The following ZFAT variants were observed in gnomAD, a reference collection of about 807,000 sequenced individuals.
ZFAT encodes zinc finger and AT-hook domain containing.
Under a neutral mutation model 117.7 loss-of-function variants are expected in ZFAT, and 64 were observed. The observed-to-expected ratio is 0.54, with a 90% CI of 0.44 to 0.67. ZFAT has a LOEUF of 0.67. Ranked by LOEUF, ZFAT falls within the 30% of genes least tolerant of loss-of-function variation. The pLI is 0.00. For missense variants in ZFAT, 1,433 were observed against 1,584.5 expected (o/e 0.90, Z 1.62); for synonymous variants, 679 against 615.0 (o/e 1.10, Z -1.54).
At chr8:134,550,311 A>G (rs952594661) in intron 11 of ZFAT, among the ~76,000 whole-genome samples, 1 of 48,426 alleles carries the variant, frequency 2.1e-5, no homozygotes, top group South Asian at 6.5e-4. Context: ...GTCACAACGG[A>G]AAAAAAAAAA....
rs1249644717 is a variant in ZFAT at position 134,696,394 on chromosome 8, G to A, written c.19+16451C>T. ...TCTGAAACCACCCAGGAATCAACAG[G>A]AAAGTTCAGAGTGGAAACTCGCATC... On this transcript the variant is annotated intron_variant, in intron 1 of 15. Coordinates refer to ENST00000377838, the MANE Select transcript of ZFAT (RefSeq NM_020863.4). 7.1e-6 allele frequency: 7 copies of A among 985,492 alleles called. No homozygotes were observed. The East Asian group carries it at 5.7e-4, about 80-fold the overall frequency. The allele number at this position is 985,492 out of a possible 1,614,324, so 61.0% of individuals were successfully genotyped here.
At chr8:134,697,410 CT>C (rs1833894338) in intron 1 of ZFAT, among the ~76,000 whole-genome samples, 1 of 148,608 alleles carries the variant, frequency 6.7e-6, no homozygotes, top group Non-Finnish European at 1.5e-5. Context: ...CCGCGCCCAC[CT>C]TTTTTTGTAT....
At chr8:134,516,596 A>C (rs1207527536) in intron 13 of ZFAT, among the ~76,000 whole-genome samples, 1 of 152,156 alleles carries the variant, frequency 6.6e-6, no homozygotes, top group Non-Finnish European at 1.5e-5. Context: ...GCACTTCGGG[A>C]AGCCAGGGTG....
chr8:134,561,168 T>A (rs1258323560), intron 11 of ZFAT, among the ~76,000 whole-genome samples: 4 of 152,244 alleles, frequency 2.6e-5, no homozygotes, highest in African/African-American at 7.2e-5. Context: ...ATGACCAAAC[T>A]ATCCAATTGT....
intron 11 of ZFAT, among the ~76,000 whole-genome samples, chr8:134,554,680 C>T (rs1312431644): frequency 2.6e-5 from 4 of 152,090 alleles, no homozygotes; most frequent in Non-Finnish European, 5.9e-5. Context: ...ACAGAAAGCC[C>T]GGGGTGGAGC....
chr8:134,784,579 T>A, the ZFAT span: 2 of 152,202 alleles, frequency 1.3e-5, no homozygotes, highest in African/African-American at 4.8e-5. Context: ...CAAGAAATAT[T>A]CGAGTATCAT....
chr8:134,737,340 C>T, the ZFAT span, among the ~76,000 whole-genome samples: 1 of 152,084 alleles, frequency 6.6e-6, no homozygotes, highest in African/African-American at 2.4e-5. Context: ...GTTGTACTCT[C>T]CACAATTATT....
At chr8:134,793,895 CAAT>C in the ZFAT span, 1 of 152,084 alleles carries the variant, frequency 6.6e-6, no homozygotes, top group Non-Finnish European at 1.5e-5. Context: ...CACAAACACA[CAAT>C]AAAATAAATA....
chr8:134,588,452 T>A, intron 8 of ZFAT, 57 bp from the exon 9 acceptor site: 4 of 1,498,704 alleles, frequency 2.7e-6, no homozygotes, highest in Non-Finnish European at 3.6e-6. Context: ...AAGTTAGACA[T>A]AAATAAACCT....
chr8:134,532,130 T>C (rs1453836468), intron 12 of ZFAT, among the ~76,000 whole-genome samples: 1 of 152,246 alleles, frequency 6.6e-6, no homozygotes, highest in South Asian at 2.1e-4. Context: ...TGATTATTTA[T>C]TGAAATAAAA....
At chr8:134,591,516 G>T (rs577629500) in intron 7 of ZFAT, among the ~76,000 whole-genome samples, 1 of 152,330 alleles carries the variant, frequency 6.6e-6, no homozygotes, top group South Asian at 2.1e-4. Flanking sequence ...CCTAGAGTGG[G>T]TGTTATTGGT....
At chr8:134,609,105 CTCT>C (rs1828125738) in intron 4 of ZFAT, among the ~76,000 whole-genome samples, 1 of 151,790 alleles carries the variant, frequency 6.6e-6, no homozygotes, top group Non-Finnish European at 1.5e-5. Flanking sequence ...TCTAAATGTC[CTCT>C]TGAGATATAT....
chr8:134,637,791 G>C, intron 2 of ZFAT, 79 bp from the exon 3 acceptor site: 2 of 1,524,766 alleles, frequency 1.3e-6, no homozygotes, highest in South Asian at 2.5e-5. Flanking sequence ...CAAGTGTGAG[G>C]ATATGTTCAG....
intron 11 of ZFAT, among the ~76,000 whole-genome samples, chr8:134,553,429 G>A (rs543428571): frequency 6.6e-6 from 1 of 152,174 alleles, no homozygotes; most frequent in African/African-American, 2.4e-5. Context: ...CTTGAACATG[G>A]GTGGCAGAAG....
At chr8:134,479,568 C>T (rs56067442) in intron 15 of ZFAT, among the ~76,000 whole-genome samples, 28,704 of 152,046 alleles carry the variant, frequency 0.19, 2,937 homozygotes, top group Middle Eastern at 0.23. Flanking sequence ...CTTAGAGCTG[C>T]AAAAATGAGT....
Position 134,478,567 on chromosome 8 carries a change from TC to T in ZFAT, c.3646del (p.Glu1216ArgfsTer77). ...ETVTVYTQGG[E>X]ASEFIVYVQE... ...CACGTAGACGATGAACTCCGAGGCC[TC>T]CCCGCCCTGCGTGTAGACAGTCACC... On this transcript the variant is annotated frameshift_variant, in exon 16 of 16. Coordinates refer to ENST00000377838, the MANE Select transcript of ZFAT (RefSeq NM_020863.4). LOFTEE classifies it high-confidence loss of function. The surrounding 1 kb of genome is among the most constrained non-coding windows in gnomAD (Gnocchi z 5.2). The T allele has an allele frequency of 6.3e-7, 1 of 1,594,410 alleles. No homozygotes were observed. The highest frequency in any genetic ancestry group is 8.5e-7 in the Non-Finnish European group (1 of 1,171,094).
intron 13 of ZFAT, among the ~76,000 whole-genome samples, chr8:134,513,598 CAAAG>C (rs959849229): frequency 1.3e-5 from 2 of 152,106 alleles, no homozygotes; most frequent in Non-Finnish European, 2.9e-5. Flanking sequence ...CCTCGTGCCT[CAAAG>C]AGAGAAGAGG....
At chr8:134,556,544 CA>C (rs564197868) in intron 11 of ZFAT, among the ~76,000 whole-genome samples, 4 of 145,980 alleles carry the variant, frequency 2.7e-5, no homozygotes, top group Non-Finnish European at 6.0e-5. Context: ...TGATGAAAAC[CA>C]AAAAAAAAGA....
intron 3 of ZFAT, among the ~76,000 whole-genome samples, chr8:134,618,286 C>T (rs747526342): frequency 9.2e-5 from 14 of 152,166 alleles, no homozygotes; most frequent in Non-Finnish European, 1.9e-4. Context: ...CAGAGCCATT[C>T]GTCATCTTGT....
Sources: gnomAD v4.1 joint callset for allele counts (sites outside exome capture counted in the v4.1 genomes callset) on GRCh38, gnomAD v4.1.1 for gene constraint, Gnocchi (gnomAD v3.1) non-coding constraint, MANE v1.5 for transcripts, NCBI Gene and HGNC (gene_info 2026-07-23, HGNC 2026-07-21) for gene names.